The following SORBS2 variants were observed in gnomAD, a reference collection of about 807,000 sequenced individuals.
The protein encoded by SORBS2 is sorbin and SH3 domain containing 2, also known as sorbin and SH3 domain-containing protein 2.
SORBS2 carries 46 observed loss-of-function variants against 97.7 expected under a neutral mutation model. The observed-to-expected ratio is 0.47, with a 90% CI of 0.37 to 0.60. The LOEUF (loss-of-function observed/expected upper bound fraction) is 0.60. SORBS2 is among the 20% of genes least tolerant of loss of function. SORBS2 has a pLI of 0.00. For synonymous variants in SORBS2, 476 were observed against 473.4 expected (o/e 1.01, Z -0.07); for missense variants, 1,316 against 1,282.3 (o/e 1.03, Z -0.40).
intron 1 of SORBS2, among the ~76,000 whole-genome samples, chr4:185,944,658 A>T (rs994121287): frequency 3.9e-5 from 6 of 152,224 alleles, no homozygotes; most frequent in African/African-American, 1.4e-4. Context: ...GTTCAGGAAC[A>T]TACATATATC....
chr4:185,590,947 C>T (rs763022356), intron 13 of SORBS2, among the ~76,000 whole-genome samples: 32 of 152,190 alleles, frequency 2.1e-4, no homozygotes, highest in Non-Finnish European at 2.9e-5. Flanking sequence ...AAATAATTAC[C>T]ACTTTCTAGG....
At position 185,599,548 on chromosome 4, in the gene SORBS2, T is replaced by C. The variant is rs545631920; in HGVS notation, c.2797-5613A>G. On this transcript the variant is annotated intron_variant, in intron 12 of 14. Transcript: ENST00000418609. ...AACAGAAGATGTTAGACAAGAATCA[T>C]GGATTTAAAAAAAATCCAAATTGAA... 2.0e-5 allele frequency among the ~76,000 whole-genome samples: 3 copies of C among 152,298 alleles called. No individual in the cohort carries two copies. In the East Asian group the frequency reaches 5.8e-4, roughly 29 times the overall value.
At chr4:185,949,337 G>A (rs2099276065) in intron 1 of SORBS2, among the ~76,000 whole-genome samples, 1 of 152,152 alleles carries the variant, frequency 6.6e-6, no homozygotes, top group Non-Finnish European at 1.5e-5. Context: ...AGAAATAATT[G>A]TTTCCAACTT....
chr4:185,728,313 T>G (rs776227359), intron 2 of SORBS2, among the ~76,000 whole-genome samples: 1 of 152,170 alleles, frequency 6.6e-6, no homozygotes. Context: ...TGTTTTCACC[T>G]GACTGTAGGG....
chr4:185,952,649 C>T (rs1035167497), intron 1 of SORBS2, among the ~76,000 whole-genome samples: 8 of 152,208 alleles, frequency 5.3e-5, no homozygotes, highest in African/African-American at 1.7e-4. Context: ...TGCTCAGAGG[C>T]TGTATCGTTC....
chr4:185,617,202 C>T (rs568918967), intron 9 of SORBS2, among the ~76,000 whole-genome samples: 1 of 152,280 alleles, frequency 6.6e-6, no homozygotes, highest in South Asian at 2.1e-4. Flanking sequence ...TGCTCCGTAA[C>T]ATTATTTTAT....
chr4:185,668,491 A>G (rs1006532780), intron 4 of SORBS2, among the ~76,000 whole-genome samples: 4 of 152,228 alleles, frequency 2.6e-5, no homozygotes, highest in African/African-American at 9.6e-5. Context: ...TTCTACAGAT[A>G]AAACTCAATA....
chr4:185,735,250 G>A (rs918782737), intron 2 of SORBS2, among the ~76,000 whole-genome samples: 2 of 152,134 alleles, frequency 1.3e-5, no homozygotes, highest in African/African-American at 4.8e-5. Flanking sequence ...TATTTCAAGG[G>A]ATGGCCCTGA....
At chr4:185,850,152 A>G (rs1330815342) in intron 1 of SORBS2, among the ~76,000 whole-genome samples, 3 of 152,184 alleles carry the variant, frequency 2.0e-5, no homozygotes, top group Non-Finnish European at 4.4e-5. Flanking sequence ...TATGAGACCT[A>G]TATTCTCATC....
chr4:185,952,321 C>A (rs189728287), intron 1 of SORBS2, among the ~76,000 whole-genome samples: 112 of 152,320 alleles, frequency 7.4e-4, no homozygotes, highest in Non-Finnish European at 3.5e-4. Context: ...AGCCACCAAG[C>A]CTGGCAAAAT....
intron 1 of SORBS2, among the ~76,000 whole-genome samples, chr4:185,858,178 G>T (rs10866285): frequency 1.3e-5 from 2 of 151,962 alleles, no homozygotes; most frequent in South Asian, 4.1e-4. Context: ...TTCTCAGACC[G>T]GCTGACACTT....
chr4:185,758,079 A>G (rs6835973), intron 2 of SORBS2, among the ~76,000 whole-genome samples: 48,393 of 152,114 alleles, frequency 0.32, 8,098 homozygotes, highest in African/African-American at 0.4. Flanking sequence ...TGCTGACACC[A>G]GGGCATGAAA....
At chr4:185,751,060 G>A (rs913862664) in intron 2 of SORBS2, among the ~76,000 whole-genome samples, 4 of 150,876 alleles carry the variant, frequency 2.7e-5, no homozygotes, top group South Asian at 4.2e-4. Flanking sequence ...CATACCACAC[G>A]AAAAGTTCAT....
chr4:185,701,099 T>G (rs2098255278), intron 2 of SORBS2, among the ~76,000 whole-genome samples: 2 of 152,240 alleles, frequency 1.3e-5, no homozygotes, highest in Admixed American at 1.3e-4. Flanking sequence ...TGGCATATTT[T>G]AACATATGTA....
At chr4:185,707,474 T>C (rs1460711519) in intron 2 of SORBS2, among the ~76,000 whole-genome samples, 1 of 152,056 alleles carries the variant, frequency 6.6e-6, no homozygotes, top group Non-Finnish European at 1.5e-5. Context: ...TGCTCATGTA[T>C]ACTATAATTA....
intron 1 of SORBS2, among the ~76,000 whole-genome samples, chr4:185,868,190 T>A (rs575957818): frequency 1.0e-3 from 114 of 114,444 alleles, no homozygotes; most frequent in Admixed American, 1.8e-3. Flanking sequence ...AGAGTCTCAC[T>A]CTGTCACCCA....
intron 1 of SORBS2, among the ~76,000 whole-genome samples, chr4:185,876,022 T>C (rs1037781653): frequency 6.6e-6 from 1 of 152,268 alleles, no homozygotes; most frequent in Non-Finnish European, 1.5e-5. Context: ...CTCTGTGTTT[T>C]GTACCCTTCT....
intron 1 of SORBS2, among the ~76,000 whole-genome samples, chr4:185,892,912 T>C (rs2149807027): frequency 6.6e-6 from 1 of 152,262 alleles, no homozygotes; most frequent in African/African-American, 2.4e-5. Flanking sequence ...ATGGCTAAAA[T>C]GGTCAATTTT....
At chr4:185,752,420 C>T (rs1053972376) in intron 2 of SORBS2, among the ~76,000 whole-genome samples, 4 of 152,094 alleles carry the variant, frequency 2.6e-5, no homozygotes, top group South Asian at 2.1e-4. Flanking sequence ...GGACTACAGG[C>T]GCCCGCCACC....
Sources: allele counts gnomAD v4.1 joint callset (sites outside exome capture counted in the v4.1 genomes callset), GRCh38; gene constraint gnomAD v4.1.1; transcripts MANE v1.5; gene names NCBI Gene and HGNC (gene_info 2026-07-23, HGNC 2026-07-21).